Variants in TRIB2 observed in about 807,000 individuals in gnomAD.
The protein encoded by TRIB2 is tribbles homolog 2.
Under a neutral mutation model 26.8 loss-of-function variants are expected in TRIB2, and 2 were observed. That is an observed-to-expected ratio of 0.07 (90% CI 0.03 to 0.24). The LOEUF (loss-of-function observed/expected upper bound fraction) is 0.24. Among genes scored for constraint, TRIB2 ranks in the 10% least tolerant of loss-of-function variants. The pLI is 1.00. For synonymous variants in TRIB2, 189 were observed against 187.3 expected (o/e 1.01, Z -0.08); for missense variants, 306 against 449.0 (o/e 0.68, Z 2.88).
Position 12,717,361 on chromosome 2 carries a change from C to G in TRIB2, c.-947C>G, listed in dbSNP as rs771300221. 4 of 398,434 alleles carry G rather than the reference C, an allele frequency of 1.0e-5. No homozygotes were observed. Among genetic ancestry groups the G allele is most frequent in the South Asian group, 1.3e-4 (1 of 7,854 alleles). 24.7% of individuals were successfully genotyped at this position (398,434 alleles called of 1,614,324 possible). ...CCGCAGGACCCCCGCAAGCTCGTGC[C>G]GGCGAAATCGGAGACCGCCGATCTG... On this transcript the variant is annotated 5_prime_UTR_variant, in exon 1 of 3. Coordinates refer to ENST00000155926, the MANE Select transcript of TRIB2 (RefSeq NM_021643.4). This position sits in a 1 kb window ranked among gnomAD's most constrained non-coding sequence, Gnocchi z 4.8.
rs140990189 is a variant in TRIB2 at position 12,720,956 on chromosome 2, G to A, written c.271-2304G>A. Among the ~76,000 whole-genome samples, 371 of 152,028 alleles carry A rather than the reference G, an allele frequency of 2.4e-3. 1 individual carries two copies. The highest frequency in any genetic ancestry group is 8.5e-3 in the African/African-American group (352 of 41,482). On this transcript the variant is annotated intron_variant, in intron 1 of 2. Coordinates refer to ENST00000155926, the MANE Select transcript of TRIB2 (RefSeq NM_021643.4). ...TTTTTTTGCAAATGTTATTAATGATGGCCTAATCTTACTGCCTTATCTGAA... is the reference window on the plus strand; with the variant it reads ...TTTTTTTGCAAATGTTATTAATGATAGCCTAATCTTACTGCCTTATCTGAA...
rs397868690 is a variant in TRIB2 at position 12,742,524 on chromosome 2, GT to G, written c.*1744del. The stretch of plus-strand genomic sequence containing the variant: ...TAATGGAAGATAGAAAGGAGAGAAG[GT>G]TTTTTTTTTTTTTAACATTCTGAAG... On this transcript the variant is annotated 3_prime_UTR_variant, in exon 3 of 3. Transcript: ENST00000155926. The G allele has an allele frequency of 0.012, 1,728 of 145,138 alleles. 16 individuals are homozygous for G. The highest frequency in any genetic ancestry group is 0.017 in the Non-Finnish European group (1,103 of 65,622). The allele number at this position is 145,138 out of a possible 1,614,324, so 9.0% of individuals were successfully genotyped here. A position where few individuals can be genotyped will look rare whatever the true frequency, so the allele number is the denominator to read the frequency against.
chr2:12,724,735 C>T (rs1471099220), intron 2 of TRIB2: 2 of 1,612,872 alleles, frequency 1.2e-6, no homozygotes, highest in Admixed American at 1.7e-5. Flanking sequence ...CCCTACCAGC[C>T]TCATATTTCT....
At chr2:12,736,790 C>G (rs1661585955) in intron 2 of TRIB2, among the ~76,000 whole-genome samples, 1 of 152,212 alleles carries the variant, frequency 6.6e-6, no homozygotes, top group African/African-American at 2.4e-5. Context: ...GTGAGGTGAT[C>G]ATCCCAAAAT....
intron 2 of TRIB2, among the ~76,000 whole-genome samples, chr2:12,735,320 GCA>G (rs1362010603): frequency 6.6e-6 from 1 of 152,154 alleles, no homozygotes; most frequent in Non-Finnish European, 1.5e-5. Context: ...TGCCTGGGAT[GCA>G]GATTCTCCCC....
chr2:12,724,389 C>T (rs1033348543), intron 2 of TRIB2, among the ~76,000 whole-genome samples: 7 of 152,206 alleles, frequency 4.6e-5, no homozygotes, highest in Middle Eastern at 3.2e-3. Context: ...ATTTTGATTA[C>T]AAGAACTCCT....
In TRIB2 at chr2:12,723,708, C is replaced by A. The variant is rs1449866563; in HGVS notation, c.563+156C>A. 2.0e-5 allele frequency among the ~76,000 whole-genome samples: 3 copies of A among 152,300 alleles called. No homozygotes were observed. The East Asian group carries it at 5.8e-4, about 29-fold the overall frequency. ...AAAAGGAAGTGAATATTGCAATTTT[C>A]AAGTGTTTGGGAAAACAAATAGCTA... On this transcript the variant is annotated intron_variant, in intron 2 of 2. Coordinates refer to ENST00000155926, the MANE Select transcript of TRIB2 (RefSeq NM_021643.4).
At chr2:12,720,454 G>A (rs1661183442) in intron 1 of TRIB2, among the ~76,000 whole-genome samples, 1 of 152,162 alleles carries the variant, frequency 6.6e-6, no homozygotes, top group African/African-American at 2.4e-5. Flanking sequence ...AGATGATGTG[G>A]GTGACTTCTT....
At chr2:12,735,632 G>T (rs1392847243) in intron 2 of TRIB2, among the ~76,000 whole-genome samples, 1 of 152,188 alleles carries the variant, frequency 6.6e-6, no homozygotes, top group South Asian at 2.1e-4. Context: ...GACTATATGT[G>T]TAAGTGCCTC....
intron 2 of TRIB2, among the ~76,000 whole-genome samples, chr2:12,729,724 G>T (rs895736586): frequency 6.6e-6 from 1 of 152,108 alleles, no homozygotes; most frequent in Non-Finnish European, 1.5e-5. Context: ...TTCTTCAGCA[G>T]GATTTCTTGC....
intron 2 of TRIB2, among the ~76,000 whole-genome samples, chr2:12,728,441 T>G (rs1195561415): frequency 6.6e-6 from 1 of 152,236 alleles, no homozygotes; most frequent in Non-Finnish European, 1.5e-5. Flanking sequence ...GGTGGGGCCT[T>G]GTTACCACAG....
intron 2 of TRIB2, among the ~76,000 whole-genome samples, chr2:12,727,562 G>A (rs898137547): frequency 1.3e-5 from 2 of 152,298 alleles, no homozygotes; most frequent in Admixed American, 6.5e-5. Flanking sequence ...TGGAGTAGGC[G>A]GCCACAGGCA....
At chr2:12,728,498 G>A (rs1402203526) in intron 2 of TRIB2, among the ~76,000 whole-genome samples, 1 of 152,198 alleles carries the variant, frequency 6.6e-6, no homozygotes, top group Non-Finnish European at 1.5e-5. Flanking sequence ...TGGGTTCAAG[G>A]CTTCCTGCCA....
Position 12,740,869 on chromosome 2 carries a change from C to G in TRIB2, c.*75C>G, listed in dbSNP as rs969912421. On this transcript the variant is annotated 3_prime_UTR_variant, in exon 3 of 3. Transcript: ENST00000155926. The surrounding 1 kb of genome is among the most constrained non-coding windows in gnomAD (Gnocchi z 5.8). ...CGGAAAGGAGTTCTTCCGGGGGACA[C>G]GAATTGCCTGGCTGAGTAGCAAGAA... is the stretch of plus-strand genomic sequence containing the variant. The G allele has an allele frequency of 4.4e-6, 6 of 1,363,700 alleles. No individual in the cohort carries two copies. The African/African-American group carries it at 7.3e-5, about 16-fold the overall frequency. 84.5% of individuals were successfully genotyped at this position (1,363,700 alleles called of 1,614,324 possible). A position where few individuals can be genotyped will look rare whatever the true frequency, so the allele number is the denominator to read the frequency against.
Position 12,717,694 on chromosome 2 carries a change from C to G in TRIB2, c.-614C>G, listed in dbSNP as rs538000716. On this transcript the variant is annotated 5_prime_UTR_variant, in exon 1 of 3. Transcript: ENST00000155926. This position sits in a 1 kb window ranked among gnomAD's most constrained non-coding sequence, Gnocchi z 4.8. ...CCATCTACAGTTAAAACGTAGGTAACTGCCCTCTCCCGCACCCCCCCCTTA... is the reference window on the plus strand; with the variant it reads ...CCATCTACAGTTAAAACGTAGGTAAGTGCCCTCTCCCGCACCCCCCCCTTA... The G allele has an allele frequency of 2.6e-6, 1 of 390,808 alleles. No individual in the cohort carries two copies. Among genetic ancestry groups the G allele is most frequent in the Non-Finnish European group, 4.5e-6 (1 of 221,688 alleles). The allele number at this position is 390,808 out of a possible 1,614,324, so 24.2% of individuals were successfully genotyped here.
At chr2:12,735,575 G>A (rs917110122) in intron 2 of TRIB2, among the ~76,000 whole-genome samples, 4 of 152,144 alleles carry the variant, frequency 2.6e-5, no homozygotes, top group Non-Finnish European at 5.9e-5. Flanking sequence ...CATGAGAAAA[G>A]GAATCATAGT....
Position 12,742,182 on chromosome 2 carries a change from G to A in TRIB2, c.*1388G>A, listed in dbSNP as rs528326287. ...CGAGTGGCAAAATGTTTTTTATTAC[G>A]GCTTTTCTATTGCTGTATGATACAG... is the stretch of plus-strand genomic sequence containing the variant. On this transcript the variant is annotated 3_prime_UTR_variant, in exon 3 of 3. Coordinates refer to ENST00000155926, the MANE Select transcript of TRIB2 (RefSeq NM_021643.4). The A allele has an allele frequency of 1.6e-4, 25 of 152,570 alleles. No individual in the cohort carries two copies. The highest frequency in any genetic ancestry group is 5.2e-4 in the Admixed American group (8 of 15,290). The allele number at this position is 152,570 out of a possible 1,614,324, so 9.5% of individuals were successfully genotyped here. A position where few individuals can be genotyped will look rare whatever the true frequency, so the allele number is the denominator to read the frequency against.
chr2:12,740,904 C>CT lies in TRIB2; in HGVS notation c.*112dup. On this transcript the variant is annotated 3_prime_UTR_variant, in exon 3 of 3. Transcript: ENST00000155926. This position sits in a 1 kb window ranked among gnomAD's most constrained non-coding sequence, Gnocchi z 5.8. ...GGCTGAGTAGCAAGAAAGACACACT[C>CT]TTAAGTTTCTTGGTTCAGAGCAGGA... The CT allele has an allele frequency of 9.6e-7, 1 of 1,043,932 alleles. No individual in the cohort carries two copies. The highest frequency in any genetic ancestry group is 1.4e-6 in the Non-Finnish European group (1 of 725,574). 64.7% of individuals were successfully genotyped at this position (1,043,932 alleles called of 1,614,324 possible). A position where few individuals can be genotyped will look rare whatever the true frequency, so the allele number is the denominator to read the frequency against.
Position 12,740,170 on chromosome 2 carries a change from GCTC to G in TRIB2, c.564-155_564-153del, listed in dbSNP as rs1372027372. On this transcript the variant is annotated intron_variant, in intron 2 of 2. Coordinates refer to ENST00000155926, the MANE Select transcript of TRIB2 (RefSeq NM_021643.4). The surrounding 1 kb of genome is among the most constrained non-coding windows in gnomAD (Gnocchi z 5.8). ...GAATAGTAGCTGGCAGCTAGAAGGT[GCTC>G]AGTGAGTAATGTTTGGCTGGTCAGA... is the stretch of plus-strand genomic sequence containing the variant. Among the ~76,000 whole-genome samples the G allele has an allele frequency of 1.3e-5, 2 of 152,210 alleles. No individual in the cohort carries two copies.
Sources: gnomAD v4.1 joint callset for allele counts (sites outside exome capture counted in the v4.1 genomes callset) on GRCh38, gnomAD v4.1.1 for gene constraint, Gnocchi (gnomAD v3.1) non-coding constraint, MANE v1.5 for transcripts, NCBI Gene and HGNC (gene_info 2026-07-23, HGNC 2026-07-21) for gene names.